CSF2RA: variants seen among roughly 807,000 people sequenced by gnomAD.
CSF2RA encodes granulocyte-macrophage colony-stimulating factor receptor subunit alpha.
In CSF2RA, 42 loss-of-function variants were observed where a neutral mutation model predicts 51.6. The ratio of observed to expected loss-of-function variants is 0.81; its 90% CI spans 0.64 to 1.05. CSF2RA has a LOEUF of 1.05. Among genes scored for constraint, CSF2RA ranks in the 50% least tolerant of loss-of-function variants. The probability of loss-of-function intolerance (pLI) is 0.00; values close to 1 mark genes in which losing one functional copy is unlikely to be tolerated. For synonymous variants in CSF2RA, 222 were observed against 193.0 expected (o/e 1.15, Z -1.24); for missense variants, 530 against 501.1 (o/e 1.06, Z -0.55).
rs1364266062 is a variant in CSF2RA, at chrX:1,304,353, T to TCG, written c.1043+334_1043+335insCG. The stretch of plus-strand genomic sequence containing the variant: ...AGGTGGAGGTTGCAGTGAGCCGAGA[T>TCG]TGCACCACTGCACTCCAGCCTGGGC... On this transcript the variant is annotated intron_variant, in intron 11 of 12. Transcript: ENST00000381529. Among the ~76,000 whole-genome samples, 470 of 99,630 alleles carry TCG rather than the reference T, an allele frequency of 4.7e-3. 23 individuals carry two copies. Among genetic ancestry groups the TCG allele is most frequent in the South Asian group, 4.0e-3 (9 of 2,250 alleles). 65.4% of individuals were successfully genotyped at this position (99,630 alleles called of 152,430 possible). A position where few individuals can be genotyped will look rare whatever the true frequency, so the allele number is the denominator to read the frequency against.
the CSF2RA span, among the ~76,000 whole-genome samples, chrX:1,324,796 G>C: frequency 4.6e-5 from 7 of 151,960 alleles, no homozygotes; most frequent in South Asian, 2.1e-4. Context: ...GCTGTCAGCA[G>C]CTTACACCCA....
chrX:1,310,010 C>G (rs1395871699), downstream of CSF2RA: 19 of 426,196 alleles, frequency 4.5e-5, no homozygotes, highest in African/African-American at 3.9e-4. Flanking sequence ...GTCTGGGCAA[C>G]ATAGCAAGAC....
downstream of CSF2RA, chrX:1,310,002 C>T (rs1412540322): frequency 2.2e-6 from 1 of 456,576 alleles, no homozygotes; most frequent in Admixed American, 3.9e-5. Context: ...TAAGACCAGT[C>T]TGGGCAACAT....
the CSF2RA span, among the ~76,000 whole-genome samples, chrX:1,320,806 C>T: frequency 2.0e-5 from 3 of 151,298 alleles, no homozygotes; most frequent in Admixed American, 6.6e-5. Context: ...CCACTGCACC[C>T]AGCCTGTTTT....
At chrX:1,319,401 C>T in the CSF2RA span, among the ~76,000 whole-genome samples, 1 of 150,078 alleles carries the variant, frequency 6.7e-6, no homozygotes, top group Non-Finnish European at 1.5e-5. Flanking sequence ...ATCCTCCTCT[C>T]TCAGTCTCCT....
intron 12 of CSF2RA, among the ~76,000 whole-genome samples, chrX:1,306,854 CAGAG>C (rs1437569130): frequency 3.6e-5 from 5 of 139,388 alleles, no homozygotes; most frequent in Non-Finnish European, 6.4e-5. Context: ...TAGGTGGACA[CAGAG>C]AGGGGAGAGA....
chrX:1,280,961 C>CCTTCTCCTCCTCCTG (rs2089904272), intron 2 of CSF2RA, among the ~76,000 whole-genome samples: 2 of 69,646 alleles, frequency 2.9e-5, no homozygotes, highest in East Asian at 6.3e-4. Context: ...TCCTCCTCCT[C>CCTTCTCCTCCTCCTG]CTTCTCCTCC....
At chrX:1,284,203 T>C (rs1281779457) in intron 3 of CSF2RA, among the ~76,000 whole-genome samples, 86 of 135,062 alleles carry the variant, frequency 6.4e-4, no homozygotes, top group Admixed American at 2.4e-3. Flanking sequence ...CTCTTTTTTT[T>C]TTTTTTTTTT....
At chrX:1,270,011 A>C (rs2088164205) in intron 1 of CSF2RA, among the ~76,000 whole-genome samples, 2 of 151,856 alleles carry the variant, frequency 1.3e-5, no homozygotes, top group Admixed American at 1.3e-4. Context: ...TGGGAGGCTG[A>C]GGCAGGAGAA....
In CSF2RA at chrX:1,288,856, C is replaced by T. The variant is rs775146027; in HGVS notation, c.441C>T (p.Asp147=). The T allele has an allele frequency of 7.1e-5, 114 of 1,613,718 alleles. No homozygotes were observed. The Middle Eastern group carries it at 1.5e-3, about 21-fold the overall frequency. Residue 147 remains aspartate (D), a synonymous_variant, in exon 6 of 13, where the codon GAC becomes GAT. Coordinates refer to ENST00000381529, the MANE Select transcript of CSF2RA (RefSeq NM_172245.4). ...CGAGGGGTCCGACGGCCCCCCGTGA[C>T]GTCCAGTATTTTTTGTACATACGAA... ...TWARGPTAPR[D]VQYFLYIRNS...
chrX:1,317,246 C>CTGTTTT, the CSF2RA span, among the ~76,000 whole-genome samples: 1 of 57,828 alleles, frequency 1.7e-5, no homozygotes, highest in African/African-American at 7.4e-5. Context: ...CCACGCTCAG[C>CTGTTTT]TTTTTTTTTT....
At chrX:1,320,812 G>C in the CSF2RA span, among the ~76,000 whole-genome samples, 3 of 150,694 alleles carry the variant, frequency 2.0e-5, no homozygotes, top group Non-Finnish European at 4.4e-5. Context: ...CACCCAGCCT[G>C]TTTTGTCAAC....
In CSF2RA at chrX:1,294,377, C is replaced by A; in HGVS notation, c.696C>A (p.His232Gln). Residue 232 changes from histidine (H) to glutamine (Q), a missense_variant, in exon 8 of 13, where the codon CAC (histidine) becomes CAA (glutamine). Physicochemically the swap from His to Gln is conservative, Grantham distance 24. Transcript: ENST00000381529. The part of the protein sequence containing the change: ...SNVTVRCNTT[H>Q]CLVRWKQPRT... ...TCACCGTACGTTGCAACACGACGCA[C>A]TGCCTCGTACGGTGGAAACAGCCCA... 1 of 1,613,894 alleles carries A rather than the reference C, an allele frequency of 6.2e-7. No individual in the cohort carries two copies. The highest frequency in any genetic ancestry group is 8.5e-7 in the Non-Finnish European group (1 of 1,179,808).
intron 1 of CSF2RA, among the ~76,000 whole-genome samples, chrX:1,271,526 A>AT (rs200764465): frequency 0.41 from 59,051 of 145,284 alleles, 13,744 homozygotes; most frequent in Non-Finnish European, 0.52. Context: ...TTATTTATTT[A>AT]TTTTTTTGGA....
At chrX:1,324,005 C>T in the CSF2RA span, among the ~76,000 whole-genome samples, 1 of 137,562 alleles carries the variant, frequency 7.3e-6, no homozygotes, top group Non-Finnish European at 1.6e-5. Flanking sequence ...TGGTGTGAGA[C>T]TCCGTCTCAA....
intron 2 of CSF2RA, among the ~76,000 whole-genome samples, chrX:1,279,068 G>T (rs1174072613): frequency 3.4e-5 from 5 of 148,668 alleles, no homozygotes; most frequent in African/African-American, 5.0e-5. Context: ...AACCAAGAAG[G>T]CCGTACGTAC....
chrX:1,280,256 G>A (rs780010976), intron 2 of CSF2RA, among the ~76,000 whole-genome samples: 1 of 152,144 alleles, frequency 6.6e-6, no homozygotes, highest in Admixed American at 6.6e-5. Flanking sequence ...CAGATCATCT[G>A]AGGTCAGGAG....
intron 7 of CSF2RA, 186 bp from the exon 8 acceptor site, chrX:1,294,142 C>G: frequency 1.3e-6 from 1 of 767,746 alleles, no homozygotes; most frequent in Non-Finnish European, 2.3e-6. Context: ...CCCATCTCCA[C>G]CTGGACCCAG....
At chrX:1,282,596 C>T (rs2090177247) in intron 2 of CSF2RA, 82 bp from the exon 3 acceptor site, 1 of 1,035,082 alleles carries the variant, frequency 9.7e-7, no homozygotes, top group African/African-American at 1.6e-5. Flanking sequence ...TTTGTTTCCC[C>T]AAATCACCTC....
Sources: allele counts gnomAD v4.1 joint callset (sites outside exome capture counted in the v4.1 genomes callset), GRCh38; gene constraint gnomAD v4.1.1; transcripts MANE v1.5; gene names NCBI Gene and HGNC (gene_info 2026-07-23, HGNC 2026-07-21).